The following SLC4A8 variants were observed in gnomAD, a reference collection of about 807,000 sequenced individuals.
SLC4A8 encodes solute carrier family 4 member 8.
Under a neutral mutation model 125.0 loss-of-function variants are expected in SLC4A8, and 40 were observed. The ratio of observed to expected loss-of-function variants is 0.32; its 90% confidence interval spans 0.25 to 0.42. SLC4A8 has a LOEUF of 0.42. Ranked by LOEUF, SLC4A8 falls within the 10% of genes least tolerant of loss-of-function variation. SLC4A8 has a pLI of 1.00. For synonymous variants in SLC4A8, 456 were observed against 476.0 expected, an observed-to-expected ratio of 0.96 and a Z score of 0.55; for missense variants, 863 against 1,355.1, an observed-to-expected ratio of 0.64 and a Z score of 5.70.
intron 5 of SLC4A8, among the ~76,000 whole-genome samples, chr12:51,456,103 G>A (rs922012039): frequency 6.6e-6 from 1 of 152,152 alleles, no homozygotes; most frequent in Non-Finnish European, 1.5e-5. Context: ...AGTAGTTCAG[G>A]TGAGATCACC....
intron 11 of SLC4A8, chr12:51,466,546 C>T (rs1158344282): frequency 2.0e-5 from 3 of 149,288 alleles, no homozygotes; most frequent in Non-Finnish European, 4.5e-5. Context: ...TTAAATTAAA[C>T]TCATATCCCT....
At chr12:51,479,015 A>G (rs1001415319) in intron 16 of SLC4A8, among the ~76,000 whole-genome samples, 1 of 152,206 alleles carries the variant, frequency 6.6e-6, no homozygotes, top group Admixed American at 6.5e-5. Context: ...GAGATTTGAT[A>G]TGATGACCCA....
At chr12:51,473,613 G>A (rs1172614977) in intron 14 of SLC4A8, among the ~76,000 whole-genome samples, 6 of 152,350 alleles carry the variant, frequency 3.9e-5, no homozygotes, top group African/African-American at 1.4e-4. Flanking sequence ...CAAAGTTAGT[G>A]GTGTTGGCTG....
intron 1 of SLC4A8, among the ~76,000 whole-genome samples, chr12:51,407,282 G>T (rs1948506254): frequency 6.6e-6 from 1 of 152,098 alleles, no homozygotes. Flanking sequence ...TTTTAGAGAT[G>T]AAGTTTTGCT....
At chr12:51,414,342 A>G (rs1239299989) in intron 1 of SLC4A8, among the ~76,000 whole-genome samples, 1 of 152,062 alleles carries the variant, frequency 6.6e-6, no homozygotes, top group Non-Finnish European at 1.5e-5. Flanking sequence ...AGGTTTTTCT[A>G]TATATAAGTT....
chr12:51,402,585 A>G lies in SLC4A8; in HGVS notation c.-112+11097A>G, dbSNP rs545857642. On this transcript the variant is annotated intron_variant, in intron 1 of 24. Coordinates refer to the SLC4A8 transcript ENST00000358657. The stretch of plus-strand genomic sequence containing the variant: ...AAAAATGCAAAAATTACCTGGGTGT[A>G]GTGGCGTGTACCTGTAATCCCAGCT... Among the ~76,000 whole-genome samples the G allele has an allele frequency of 2.0e-5, 3 of 152,160 alleles. No homozygotes were observed. In the East Asian group the frequency reaches 5.8e-4, roughly 29 times the overall value.
intron 11 of SLC4A8, chr12:51,466,634 G>A (rs1329118610): frequency 6.6e-6 from 1 of 152,138 alleles, no homozygotes; most frequent in Non-Finnish European, 1.5e-5. Flanking sequence ...ACAGAAAGAA[G>A]CATCCATGCC....
rs781277225 is a variant in SLC4A8 at position 51,495,008 on chromosome 12, C to T, written c.2833C>T (p.Arg945Trp). 4 of 1,614,058 alleles carry T rather than the reference C, an allele frequency of 2.5e-6. No individual in the cohort carries two copies. Among genetic ancestry groups the T allele is most frequent in the African/African-American group, 1.3e-5 (1 of 74,954 alleles). The change falls in exon 21 of 25, where the codon CGG becomes TGG. Residue 945 changes from arginine (R) to tryptophan (W), a missense_variant. Around this residue, in one of 6 missense-constraint regions of SLC4A8, gnomAD observed 197 missense variants for 377.7 expected, o/e 0.52. Coordinates refer to ENST00000453097, the MANE Select transcript of SLC4A8 (RefSeq NM_001039960.3). The part of the protein sequence containing the change: ...AKHQPDFIYL[R>W]HVPLRKVHLF... ...GCACCAGCCAGATTTCATCTACCTG[C>T]GGCATGTGCCGCTGCGCAAAGTGCA... is the stretch of plus-strand genomic sequence containing the variant.
At chr12:51,501,362 G>T (rs1405674423) in intron 22 of SLC4A8, among the ~76,000 whole-genome samples, 4 of 152,092 alleles carry the variant, frequency 2.6e-5, no homozygotes, top group Non-Finnish European at 5.9e-5. Context: ...TTGTGTCCAT[G>T]TGTACCCAAT....
chr12:51,473,053 C>T (rs1950751437), intron 14 of SLC4A8, among the ~76,000 whole-genome samples: 1 of 152,118 alleles, frequency 6.6e-6, no homozygotes, highest in African/African-American at 2.4e-5. Context: ...ACAGACACAT[C>T]ATTGCCACCC....
chr12:51,412,187 G>A (rs1418182675), intron 1 of SLC4A8, among the ~76,000 whole-genome samples: 1 of 151,932 alleles, frequency 6.6e-6, no homozygotes, highest in Non-Finnish European at 1.5e-5. Flanking sequence ...AATATTCCAT[G>A]AACCATTGAA....
intron 3 of SLC4A8, 112 bp from the exon 4 acceptor site, chr12:51,452,012 C>A: frequency 8.3e-6 from 8 of 964,496 alleles, no homozygotes; most frequent in East Asian, 5.0e-5. Context: ...TCTTTTTCTT[C>A]TGCATTCGTG....
At chr12:51,506,727 C>G (rs1938189639) in intron 24 of SLC4A8, among the ~76,000 whole-genome samples, 1 of 152,230 alleles carries the variant, frequency 6.6e-6, no homozygotes. Context: ...GGCCACTGCA[C>G]CCGGCCGTAA....
At chr12:51,488,918 AT>A in intron 18 of SLC4A8, 58 bp downstream of exon 18, 2 of 1,447,060 alleles carry the variant, frequency 1.4e-6, no homozygotes, top group Non-Finnish European at 1.9e-6. Flanking sequence ...TTTTCGTAAA[AT>A]TTTAGGGTAA....
At chr12:51,490,345 G>A (rs567346608) in intron 19 of SLC4A8, among the ~76,000 whole-genome samples, 11 of 151,980 alleles carry the variant, frequency 7.2e-5, no homozygotes, top group African/African-American at 2.4e-4. Context: ...CATGAGGTTC[G>A]GAGATCGAGA....
In SLC4A8 at chr12:51,412,118, C is replaced by A. The variant is rs200371962; in HGVS notation, c.-112+20630C>A. Among the ~76,000 whole-genome samples the A allele has an allele frequency of 3.3e-5, 5 of 152,084 alleles. No individual in the cohort carries two copies. The East Asian group carries it at 5.8e-4, about 18-fold the overall frequency. On this transcript the variant is annotated intron_variant, in intron 1 of 24. Coordinates refer to the SLC4A8 transcript ENST00000358657. ...TTTATTATCTTATGACAACAGCATG[C>A]CTTTCACTCTATCAAAATTATTGAG...
chr12:51,475,332 C>T, intron 16 of SLC4A8, 126 bp downstream of exon 16: 5 of 838,984 alleles, frequency 6.0e-6, no homozygotes, highest in Non-Finnish European at 9.7e-6. Context: ...TGATGAGCCA[C>T]ACTGGCATTC....
At chr12:51,501,125 G>T (rs1007603471) in intron 22 of SLC4A8, among the ~76,000 whole-genome samples, 1 of 152,050 alleles carries the variant, frequency 6.6e-6, no homozygotes, top group Non-Finnish European at 1.5e-5. Context: ...CACCGTGCCC[G>T]GCCAGATTAT....
chr12:51,472,714 G>A (rs1466871076), intron 14 of SLC4A8, among the ~76,000 whole-genome samples: 3 of 152,036 alleles, frequency 2.0e-5, no homozygotes, highest in East Asian at 1.9e-4. Context: ...GACCAGCCCC[G>A]GATTGAGTAG....
Sources: gnomAD v4.1 joint callset for allele counts (sites outside exome capture counted in the v4.1 genomes callset) on GRCh38, gnomAD v4.1.1 for gene constraint, gnomAD v4.1.1 regional missense constraint, MANE v1.5 for transcripts, NCBI Gene and HGNC (gene_info 2026-07-23, HGNC 2026-07-21) for gene names.